LYPD6: variants seen among roughly 807,000 people sequenced by gnomAD.
LYPD6 encodes the protein ly6/PLAUR domain-containing protein 6.
LYPD6 carries 15 observed loss-of-function variants against 22.7 expected under a neutral mutation model. That is an observed-to-expected ratio of 0.66 (90% CI 0.44 to 1.02). The LOEUF is 1.02. LYPD6 is among the 50% of genes least tolerant of loss of function. The pLI is 0.00. For missense variants in LYPD6, 189 were observed against 208.4 expected, an observed-to-expected ratio of 0.91 and a Z score of 0.57; for synonymous variants, 72 against 77.5, an observed-to-expected ratio of 0.93 and a Z score of 0.37.
At chr2:149,399,531 A>T (rs1682505240) in intron 1 of LYPD6, among the ~76,000 whole-genome samples, 1 of 152,056 alleles carries the variant, frequency 6.6e-6, no homozygotes, top group Non-Finnish European at 1.5e-5. Flanking sequence ...AGCTTTCATT[A>T]GACTGCCAAA....
chr2:149,455,154 A>G (rs191571888), intron 3 of LYPD6, among the ~76,000 whole-genome samples: 123 of 151,998 alleles, frequency 8.1e-4, no homozygotes, highest in African/African-American at 2.8e-3. Context: ...TTTGTTGTTT[A>G]CATTTTAATT....
intron 1 of LYPD6, chr2:149,370,377 G>A (rs566645914): frequency 6.6e-6 from 1 of 152,206 alleles, no homozygotes; most frequent in East Asian, 1.9e-4. Context: ...AATTTCCAGT[G>A]TGATAGTATT....
intron 1 of LYPD6, among the ~76,000 whole-genome samples, chr2:149,342,558 A>G (rs1681183148): frequency 6.6e-6 from 1 of 152,178 alleles, no homozygotes; most frequent in Admixed American, 6.5e-5. Context: ...ATGTATAAAG[A>G]TGTACACTGT....
chr2:149,400,860 T>G, intron 1 of LYPD6, among the ~76,000 whole-genome samples: 1 of 152,204 alleles, frequency 6.6e-6, no homozygotes, highest in Admixed American at 6.5e-5. Flanking sequence ...CTCCGGGGGC[T>G]TAACTAAATT....
intron 1 of LYPD6, among the ~76,000 whole-genome samples, chr2:149,403,920 G>C (rs977489241): frequency 1.3e-5 from 2 of 152,122 alleles, no homozygotes; most frequent in Non-Finnish European, 2.9e-5. Context: ...TAAAGTGTAA[G>C]GAAGGGATCC....
chr2:149,452,072 G>T (rs1039143449), intron 3 of LYPD6, among the ~76,000 whole-genome samples: 1 of 152,190 alleles, frequency 6.6e-6, no homozygotes, highest in South Asian at 2.1e-4. Context: ...TGGAGGTCCA[G>T]CATTGAAGAG....
At chr2:149,420,692 G>A (rs562775299) in intron 1 of LYPD6, among the ~76,000 whole-genome samples, 3 of 152,110 alleles carry the variant, frequency 2.0e-5, no homozygotes, top group Non-Finnish European at 4.4e-5. Context: ...ATAGGTCAGG[G>A]CCTGCCTACT....
chr2:149,336,820 T>A (rs1409199196), intron 1 of LYPD6, among the ~76,000 whole-genome samples: 1 of 152,104 alleles, frequency 6.6e-6, no homozygotes, highest in African/African-American at 2.4e-5. Flanking sequence ...GAAAGAAAGC[T>A]CATTTGATTA....
Position 149,468,766 on chromosome 2 carries a change from AGGCCACAAGGTCTGGG to A in LYPD6, c.340_348+7del. 1 of 1,613,446 alleles carries A rather than the reference AGGCCACAAGGTCTGGG, an allele frequency of 6.2e-7. No homozygotes were observed. Among genetic ancestry groups the A allele is most frequent in the Non-Finnish European group, 8.5e-7 (1 of 1,179,656 alleles). On this transcript the variant is annotated splice_donor_variant and splice_donor_5th_base_variant and coding_sequence_variant and intron_variant, in exon 4 of 5. Coordinates refer to ENST00000334166, the MANE Select transcript of LYPD6 (RefSeq NM_194317.5). LOFTEE classifies it high-confidence loss of function. ...CTGGCTGCAGAGACTCCGAGCATGA[AGGCCACAAGGTCTGGG>A]CAACAGAGCAAGTGACCAGTACTAC... is the stretch of plus-strand genomic sequence containing the variant.
At chr2:149,394,278 T>C (rs1038622030) in intron 1 of LYPD6, among the ~76,000 whole-genome samples, 1 of 152,134 alleles carries the variant, frequency 6.6e-6, no homozygotes, top group African/African-American at 2.4e-5. Context: ...CCCCTCTGGG[T>C]CCCTGAGGGG....
intron 1 of LYPD6, among the ~76,000 whole-genome samples, chr2:149,369,886 G>A (rs1681767262): frequency 6.6e-6 from 1 of 152,028 alleles, no homozygotes; most frequent in South Asian, 2.1e-4. Context: ...GGGAAGAGGA[G>A]GAACAGGCAT....
chr2:149,331,881 G>C (rs531877523), intron 1 of LYPD6, among the ~76,000 whole-genome samples: 117 of 152,244 alleles, frequency 7.7e-4, no homozygotes, highest in African/African-American at 2.6e-3. Context: ...CTCTGCTCTG[G>C]CCAGCCATTG....
chr2:149,486,233 A>G, the LYPD6 span, among the ~76,000 whole-genome samples: 1 of 152,216 alleles, frequency 6.6e-6, no homozygotes, highest in East Asian at 1.9e-4. Flanking sequence ...CTATGTGATT[A>G]TTAATGATCC....
intron 3 of LYPD6, chr2:149,464,329 G>T (rs755302804): frequency 7.0e-6 from 2 of 287,004 alleles, no homozygotes; most frequent in Non-Finnish European, 1.4e-5. Flanking sequence ...AATATCAGGT[G>T]TCCAGGAGTA....
chr2:149,452,924 C>G (rs764508791), intron 3 of LYPD6, among the ~76,000 whole-genome samples: 7 of 152,180 alleles, frequency 4.6e-5, no homozygotes, highest in Non-Finnish European at 1.0e-4. Context: ...CTCTTCTTTT[C>G]AGAAGGTGTG....
At chr2:149,351,786 G>T (rs138268345) in intron 1 of LYPD6, among the ~76,000 whole-genome samples, 2 of 152,120 alleles carry the variant, frequency 1.3e-5, no homozygotes, top group East Asian at 3.8e-4. Context: ...AAAGACAGGC[G>T]CTGGGCCCCA....
At chr2:149,331,537 C>A (rs189453186) in intron 1 of LYPD6, among the ~76,000 whole-genome samples, 1 of 152,214 alleles carries the variant, frequency 6.6e-6, no homozygotes, top group East Asian at 1.9e-4. Context: ...GGTGTTTGAG[C>A]ATGATTGCCT....
intron 2 of LYPD6, among the ~76,000 whole-genome samples, chr2:149,440,708 T>C (rs1683544518): frequency 7.1e-6 from 1 of 141,838 alleles, no homozygotes; most frequent in South Asian, 2.5e-4. Context: ...TTTTTTTTTT[T>C]TTTTTTTTTT....
chr2:149,334,798 G>A (rs1681004055), intron 1 of LYPD6, among the ~76,000 whole-genome samples: 1 of 150,724 alleles, frequency 6.6e-6, no homozygotes, highest in Non-Finnish European at 1.5e-5. Context: ...TGACGTATTA[G>A]AGTTAAAAAA....
Sources: allele counts gnomAD v4.1 joint callset (sites outside exome capture counted in the v4.1 genomes callset), GRCh38; gene constraint gnomAD v4.1.1; transcripts MANE v1.5; gene names NCBI Gene and HGNC (gene_info 2026-07-23, HGNC 2026-07-21).